POTEC: variants seen among roughly 807,000 people sequenced by gnomAD.
The protein encoded by POTEC is ANKRD26-like family B member 2.
In POTEC, 35 loss-of-function variants were observed where a neutral mutation model predicts 62.0. The ratio of observed to expected loss-of-function variants is 0.56; its 90% CI spans 0.43 to 0.75. The LOEUF is 0.75. POTEC is among the 30% of genes least tolerant of loss of function. POTEC has a pLI of 0.00. For synonymous variants in POTEC, 156 were observed against 221.5 expected, an observed-to-expected ratio of 0.70 and a Z score of 2.62; for missense variants, 472 against 655.9, an observed-to-expected ratio of 0.72 and a Z score of 3.06.
intron 9 of POTEC, among the ~76,000 whole-genome samples, chr18:14,519,583 G>C (rs1910255791): frequency 6.6e-6 from 1 of 152,022 alleles, no homozygotes; most frequent in Non-Finnish European, 1.5e-5. Flanking sequence ...TGAGCATGGT[G>C]GCATGCACCT....
chr18:14,541,482 A>G (rs1905930759), intron 1 of POTEC, among the ~76,000 whole-genome samples: 1 of 152,110 alleles, frequency 6.6e-6, no homozygotes, highest in African/African-American at 2.4e-5. Context: ...CGTCTTAAGA[A>G]CACAAAAAAG....
chr18:14,508,462 C>A lies in POTEC; in HGVS notation c.*3436G>T, dbSNP rs1909903548. ...CCTGGCCACACCTGCTTACAGGGCA[C>A]TCTCAGGTGCCCACACATACTACAA... On this transcript the variant is annotated 3_prime_UTR_variant, in exon 11 of 11. Coordinates refer to ENST00000358970, the MANE Select transcript of POTEC (RefSeq NM_001137671.2). 1 of 152,662 alleles carries A rather than the reference C, an allele frequency of 6.6e-6. No individual in the cohort carries two copies. The highest frequency in any genetic ancestry group is 1.5e-5 in the Non-Finnish European group (1 of 68,082). The allele number at this position is 152,662 out of a possible 1,614,324, so 9.5% of individuals were successfully genotyped here.
Position 14,513,661 on chromosome 18 carries a change from C to A in POTEC, c.1533+1G>T, listed in dbSNP as rs1025677227. The A allele has an allele frequency of 6.2e-7, 1 of 1,611,274 alleles. No homozygotes were observed. Among genetic ancestry groups the A allele is most frequent in the African/African-American group, 1.3e-5 (1 of 74,772 alleles). ...CATTTGAAAATGACTAAAGAAAATA[C>A]CTCAGAATTCATTTTCTTTTCAGCC... On this transcript the variant is annotated splice_donor_variant, in intron 10 of 10. Coordinates refer to ENST00000358970, the MANE Select transcript of POTEC (RefSeq NM_001137671.2). LOFTEE classifies it high-confidence loss of function.
intron 4 of POTEC, among the ~76,000 whole-genome samples, chr18:14,533,951 T>G (rs1464767138): frequency 6.6e-6 from 1 of 151,568 alleles, no homozygotes; most frequent in Non-Finnish European, 1.5e-5. Flanking sequence ...TACTTTAAGT[T>G]TTAGGGTACA....
chr18:14,537,483 C>A (rs765174604), intron 3 of POTEC, among the ~76,000 whole-genome samples: 14 of 149,758 alleles, frequency 9.3e-5, no homozygotes, highest in Non-Finnish European at 1.6e-4. Context: ...ATTTCCAGGG[C>A]AAATTTTGTC....
intron 6 of POTEC, among the ~76,000 whole-genome samples, chr18:14,527,503 G>A: frequency 6.6e-6 from 1 of 151,936 alleles, no homozygotes; most frequent in Admixed American, 6.6e-5. Flanking sequence ...ACAGGTCATG[G>A]AGAAAATTTC....
chr18:14,527,842 C>T (rs1396162688), intron 6 of POTEC: 1 of 152,042 alleles, frequency 6.6e-6, no homozygotes, highest in Non-Finnish European at 1.5e-5. Flanking sequence ...TTTATTTTGC[C>T]ATGGGCAGGT....
At chr18:14,534,450 C>CT (rs1471797654) in intron 4 of POTEC, among the ~76,000 whole-genome samples, 1 of 151,770 alleles carries the variant, frequency 6.6e-6, no homozygotes, top group Non-Finnish European at 1.5e-5. Flanking sequence ...AAGAAAGCAA[C>CT]TTAAAGCAGA....
chr18:14,510,022 C>T lies in POTEC; in HGVS notation c.*1876G>A, dbSNP rs1909957192. On this transcript the variant is annotated 3_prime_UTR_variant, in exon 11 of 11. Coordinates refer to ENST00000358970, the MANE Select transcript of POTEC (RefSeq NM_001137671.2). ...GTGGAGCCTAGAGACATAGCTGTCC[C>T]TGCCCTCCAGGCTCCACATCAGCTG... 6.7e-6 allele frequency: 1 copy of T among 149,776 alleles called. No individual in the cohort carries two copies. Among genetic ancestry groups the T allele is most frequent in the South Asian group, 2.2e-4 (1 of 4,632 alleles). The allele number at this position is 149,776 out of a possible 1,614,324, so 9.3% of individuals were successfully genotyped here. A position where few individuals can be genotyped will look rare whatever the true frequency, so the allele number is the denominator to read the frequency against.
intron 1 of POTEC, among the ~76,000 whole-genome samples, chr18:14,539,454 G>GTA (rs1217841337): frequency 7.1e-6 from 1 of 140,184 alleles, no homozygotes; most frequent in African/African-American, 2.7e-5. Flanking sequence ...ATAGGCCCCA[G>GTA]TGTATGTTGC....
intron 9 of POTEC, among the ~76,000 whole-genome samples, chr18:14,519,646 G>A (rs1243980221): frequency 6.6e-6 from 1 of 151,256 alleles, no homozygotes; most frequent in Non-Finnish European, 1.5e-5. Flanking sequence ...GAATCCAGGA[G>A]GCAGAGGTTG....
chr18:14,522,517 T>A (rs111259201), intron 8 of POTEC, 97 bp from the exon 9 acceptor site: 111,392 of 1,526,792 alleles, frequency 0.073, 4,381 homozygotes, highest in Non-Finnish European at 0.079. Flanking sequence ...TTGCCATTAT[T>A]TTAGTCATTA....
chr18:14,521,831 A>G (rs892982132), intron 9 of POTEC, among the ~76,000 whole-genome samples: 17 of 152,162 alleles, frequency 1.1e-4, no homozygotes, highest in East Asian at 7.7e-4. Context: ...AAAGAGGAGA[A>G]TAACAGACAC....
intron 10 of POTEC, among the ~76,000 whole-genome samples, chr18:14,512,247 C>G (rs1176681804): frequency 1.3e-5 from 2 of 152,034 alleles, no homozygotes; most frequent in East Asian, 3.9e-4. Flanking sequence ...AAAAGCCTTT[C>G]TCTGAATTAC....
rs150979477 is a variant in POTEC, at chr18:14,507,911, T to C, written c.*3987A>G. 1 of 152,350 alleles carries C rather than the reference T, an allele frequency of 6.6e-6. No individual in the cohort carries two copies. Among genetic ancestry groups the C allele is most frequent in the Non-Finnish European group, 1.5e-5 (1 of 68,036 alleles). The allele number at this position is 152,350 out of a possible 1,614,324, so 9.4% of individuals were successfully genotyped here. On this transcript the variant is annotated 3_prime_UTR_variant, in exon 11 of 11. Coordinates refer to ENST00000358970, the MANE Select transcript of POTEC (RefSeq NM_001137671.2). Reference sequence around the variant, plus strand: ...GAAATGTTGAATGTCTTTTCTGGCTTGTACAGTTTCAGTTGAGAGGTCTGC... The same window carrying C: ...GAAATGTTGAATGTCTTTTCTGGCTCGTACAGTTTCAGTTGAGAGGTCTGC...
Position 14,528,168 on chromosome 18 carries a change from G to C in POTEC, c.1126+2315C>G, listed in dbSNP as rs527281394. On this transcript the variant is annotated intron_variant, in intron 6 of 10. Coordinates refer to ENST00000358970, the MANE Select transcript of POTEC (RefSeq NM_001137671.2). Reference sequence around the variant, plus strand: ...AATATTTCCCACCTGGTCCTTTACAGAAAAAGCTTGCTAACCCATTTTACA... The same window carrying C: ...AATATTTCCCACCTGGTCCTTTACACAAAAAGCTTGCTAACCCATTTTACA... 7.9e-4 allele frequency: 121 copies of C among 152,288 alleles called. 1 individual carries two copies. The highest frequency in any genetic ancestry group is 2.8e-3 in the African/African-American group (117 of 41,564). The allele number at this position is 152,288 out of a possible 1,614,324, so 9.4% of individuals were successfully genotyped here.
Position 14,543,058 on chromosome 18 carries a change from T to G in POTEC, c.89A>C (p.His30Pro), listed in dbSNP as rs9807633. The change falls in exon 1 of 11, where the codon CAC becomes CCC. Residue 30 changes from histidine to proline, a missense_variant. This residue lies in a region of POTEC where 257 missense variants were observed against 250.7 expected (regional missense o/e 1.03). Coordinates refer to ENST00000358970, the MANE Select transcript of POTEC (RefSeq NM_001137671.2). ...LRSKMGKWFH[H>P]RFPCCKGSGK... Reference sequence around the variant, plus strand: ...GCTCCCCTTGCAGCAGGGGAAGCGGTGGTGAAACCACTTGCCCATCTTGCT... The same window carrying G: ...GCTCCCCTTGCAGCAGGGGAAGCGGGGGTGAAACCACTTGCCCATCTTGCT... 288,876 of 1,613,030 alleles carry G rather than the reference T, an allele frequency of 0.18. 30,179 individuals carry two copies. Among genetic ancestry groups the G allele is most frequent in the East Asian group, 0.48 (21,413 of 44,816 alleles).
chr18:14,536,124 A>T (rs1469501411), intron 3 of POTEC, among the ~76,000 whole-genome samples: 2 of 151,420 alleles, frequency 1.3e-5, no homozygotes, highest in Non-Finnish European at 2.9e-5. Flanking sequence ...AAATACAAAA[A>T]CAGATTGGAG....
At position 14,514,393 on chromosome 18, in the gene POTEC, CCAGGTCCTAA is replaced by C. The variant is rs549625325; in HGVS notation, c.1410-618_1410-609del. On this transcript the variant is annotated intron_variant, in intron 9 of 10. Transcript: ENST00000358970. ...TACCACTAACCTCTTGCTGTGTGGC[CCAGGTCCTAA>C]CAGGCCAGGGACTGGTACTGGTCTG... 7.4e-3 allele frequency among the ~76,000 whole-genome samples: 1,125 copies of C among 152,084 alleles called. 19 individuals carry two copies. Among genetic ancestry groups the C allele is most frequent in the African/African-American group, 0.026 (1,088 of 41,486 alleles).
Sources: allele counts gnomAD v4.1 joint callset (sites outside exome capture counted in the v4.1 genomes callset), GRCh38; gene constraint gnomAD v4.1.1; regional missense constraint gnomAD v4.1.1; transcripts MANE v1.5; gene names NCBI Gene and HGNC (gene_info 2026-07-23, HGNC 2026-07-21).